Variants in PRKG1 observed in about 807,000 individuals in gnomAD.
PRKG1 encodes the protein protein kinase cGMP-dependent 1.
Under a neutral mutation model 88.1 loss-of-function variants are expected in PRKG1, and 35 were observed. The observed-to-expected ratio is 0.40, with a 90% CI of 0.30 to 0.53. The LOEUF (loss-of-function observed/expected upper bound fraction) is 0.53, where lower values mean the gene tolerates loss of function less well. Ranked by LOEUF, PRKG1 falls within the 20% of genes least tolerant of loss-of-function variation. The pLI is 0.59. For missense variants in PRKG1, 540 were observed against 839.8 expected, an observed-to-expected ratio of 0.64 and a Z score of 4.41; for synonymous variants, 303 against 292.5, an observed-to-expected ratio of 1.04 and a Z score of -0.37.
intron 2 of PRKG1, among the ~76,000 whole-genome samples, chr10:51,436,824 A>G (rs1464736439): frequency 2.0e-5 from 3 of 152,146 alleles, no homozygotes; most frequent in Non-Finnish European, 4.4e-5. Flanking sequence ...AGACTATTCA[A>G]TCATCACTAG....
chr10:51,938,627 TACTC>T (rs1842844566), intron 5 of PRKG1, among the ~76,000 whole-genome samples: 1 of 152,056 alleles, frequency 6.6e-6, no homozygotes, highest in African/African-American at 2.4e-5. Flanking sequence ...CCTTCTTTCT[TACTC>T]ACCCCTCTTC....
At chr10:51,363,203 G>C (rs975731503) in intron 2 of PRKG1, among the ~76,000 whole-genome samples, 3 of 149,282 alleles carry the variant, frequency 2.0e-5, no homozygotes, top group African/African-American at 7.4e-5. Flanking sequence ...CCAGAGGGGA[G>C]TACAATCCTA....
intron 4 of PRKG1, among the ~76,000 whole-genome samples, chr10:51,838,479 A>G (rs984143827): frequency 6.6e-6 from 1 of 152,220 alleles, no homozygotes; most frequent in African/African-American, 2.4e-5. Flanking sequence ...AGAGTTTCCG[A>G]AAGGAAGTGT....
intron 3 of PRKG1, among the ~76,000 whole-genome samples, chr10:51,551,514 A>G (rs1407627086): frequency 6.6e-6 from 1 of 151,878 alleles, no homozygotes; most frequent in Non-Finnish European, 1.5e-5. Context: ...TATTAATCTA[A>G]TTGAATACAG....
At chr10:51,277,295 G>T (rs1013616570) in intron 2 of PRKG1, among the ~76,000 whole-genome samples, 9 of 152,060 alleles carry the variant, frequency 5.9e-5, no homozygotes, top group South Asian at 2.1e-4. Flanking sequence ...TATTTCTGAG[G>T]GCTGTGTTCT....
chr10:51,627,397 T>C (rs1219711706), intron 3 of PRKG1, among the ~76,000 whole-genome samples: 1 of 152,154 alleles, frequency 6.6e-6, no homozygotes, highest in Non-Finnish European at 1.5e-5. Flanking sequence ...AGACATATAA[T>C]ACATGCTTCA....
In PRKG1 at chr10:51,639,891, T is replaced by A. The variant is rs192734730; in HGVS notation, c.593-164694T>A. 2.7e-3 allele frequency among the ~76,000 whole-genome samples: 414 copies of A among 152,308 alleles called. 1 individual carries two copies. The highest frequency in any genetic ancestry group is 4.0e-3 in the Non-Finnish European group (270 of 68,024). ...AGCATCTAAATTAATCATTTTTCTA[T>A]TCAAGAGTATTGCTTTCCTTTGTTT... On this transcript the variant is annotated intron_variant, in intron 3 of 17. Coordinates refer to ENST00000373980, the MANE Select transcript of PRKG1 (RefSeq NM_006258.4).
Position 52,061,521 on chromosome 10 carries a change from C to G in PRKG1, c.841-1016C>G, listed in dbSNP as rs16926192. Among the ~76,000 whole-genome samples, 1,301 of 152,138 alleles carry G rather than the reference C, an allele frequency of 8.6e-3. 9 individuals are homozygous for G. Among genetic ancestry groups the G allele is most frequent in the African/African-American group, 0.03 (1,263 of 41,550 alleles). On this transcript the variant is annotated intron_variant, in intron 6 of 17. Transcript: ENST00000373980. ...TGAATTAACACAAAGGTACAAGTTA[C>G]TCTATTTTTGTTTTCATTCATGCAA...
intron 7 of PRKG1, among the ~76,000 whole-genome samples, chr10:52,077,630 C>T (rs989153220): frequency 5.3e-5 from 8 of 152,168 alleles, no homozygotes; most frequent in East Asian, 1.9e-4. Context: ...TCTAATATGA[C>T]GTTTTAAAAC....
At chr10:52,019,282 G>T (rs1173411908) in intron 5 of PRKG1, among the ~76,000 whole-genome samples, 1 of 152,196 alleles carries the variant, frequency 6.6e-6, no homozygotes, top group Non-Finnish European at 1.5e-5. Context: ...CACGAGGTTT[G>T]TGAGGGACAA....
intron 3 of PRKG1, among the ~76,000 whole-genome samples, chr10:51,658,176 C>A (rs1156595059): frequency 2.6e-5 from 4 of 152,180 alleles, no homozygotes; most frequent in African/African-American, 9.6e-5. Context: ...TCAACTGTTA[C>A]TTTCATCCTT....
At chr10:51,406,340 CTT>C (rs956705014) in intron 2 of PRKG1, among the ~76,000 whole-genome samples, 12 of 152,282 alleles carry the variant, frequency 7.9e-5, no homozygotes, top group Non-Finnish European at 1.5e-4. Flanking sequence ...ATTTCAAACT[CTT>C]TTTTTCTTCA....
intron 9 of PRKG1, among the ~76,000 whole-genome samples, chr10:52,167,634 A>AC (rs1838522493): frequency 6.6e-6 from 1 of 151,464 alleles, no homozygotes; most frequent in East Asian, 1.9e-4. Flanking sequence ...TAAGGAAAAA[A>AC]AAAAAAGCAC....
intron 3 of PRKG1, among the ~76,000 whole-genome samples, chr10:51,569,822 T>C (rs1837699833): frequency 6.6e-6 from 1 of 151,910 alleles, no homozygotes; most frequent in Admixed American, 6.6e-5. Context: ...GCTGTTGTAT[T>C]AAGTGAAATA....
At chr10:51,142,504 C>A (rs547787591) in intron 1 of PRKG1, among the ~76,000 whole-genome samples, 10 of 151,740 alleles carry the variant, frequency 6.6e-5, no homozygotes, top group Non-Finnish European at 1.5e-4. Flanking sequence ...TAGGAAGATC[C>A]AGACAGAGAG....
intron 9 of PRKG1, among the ~76,000 whole-genome samples, chr10:52,242,732 A>G (rs532478513): frequency 1.3e-5 from 2 of 152,158 alleles, no homozygotes; most frequent in African/African-American, 4.8e-5. Context: ...CCCTGTCTCT[A>G]CAACAACACA....
rs1210080309 is a variant in PRKG1, at chr10:52,055,793, G to A, written c.840+1232G>A. The stretch of plus-strand genomic sequence containing the variant: ...TTATAATTATCACTTTATAAATGAA[G>A]CATATTTATTTCCTCTAATTTAACA... On this transcript the variant is annotated intron_variant, in intron 6 of 17. Transcript: ENST00000373980. Among the ~76,000 whole-genome samples, 4 of 152,252 alleles carry A rather than the reference G, an allele frequency of 2.6e-5. No individual in the cohort carries two copies. In the South Asian group the frequency reaches 8.3e-4, roughly 32 times the overall value.
intron 12 of PRKG1, among the ~76,000 whole-genome samples, 170 bp from the exon 13 acceptor site, chr10:52,280,619 A>G (rs1336939310): frequency 1.3e-5 from 2 of 152,138 alleles, no homozygotes; most frequent in African/African-American, 4.8e-5. Context: ...TGATCCTTGA[A>G]TGCTTCAGAA....
intron 7 of PRKG1, among the ~76,000 whole-genome samples, chr10:52,126,563 C>A (rs941467609): frequency 6.6e-6 from 1 of 152,034 alleles, no homozygotes; most frequent in African/African-American, 2.4e-5. Flanking sequence ...CCAGGCTGGT[C>A]TCAGACTCTT....
Sources: gnomAD v4.1 joint callset for allele counts (sites outside exome capture counted in the v4.1 genomes callset) on GRCh38, gnomAD v4.1.1 for gene constraint, MANE v1.5 for transcripts, NCBI Gene and HGNC (gene_info 2026-07-23, HGNC 2026-07-21) for gene names.